Variants in CBR4 observed in about 807,000 individuals in gnomAD.
The protein encoded by CBR4 is 3-oxoacyl-[acyl-carrier-protein] reductase.
CBR4 carries 22 observed loss-of-function variants against 21.0 expected under a neutral mutation model. The ratio of observed to expected loss-of-function variants is 1.05; its 90% CI spans 0.75 to 1.50. The LOEUF is 1.50. CBR4 is among the 40% of genes most tolerant of loss of function. The probability of loss-of-function intolerance (pLI) is 0.00; values close to 1 mark genes in which losing one functional copy is unlikely to be tolerated. For missense variants in CBR4, 302 were observed against 286.3 expected (o/e 1.05, Z -0.40); for synonymous variants, 100 against 104.4 (o/e 0.96, Z 0.26).
Position 168,989,311 on chromosome 4 carries a change from G to A in CBR4, c.*839C>T, listed in dbSNP as rs115771853. The A allele has an allele frequency of 8.3e-5, 82 of 985,144 alleles. No individual in the cohort carries two copies. Among genetic ancestry groups the A allele is most frequent in the Admixed American group, 8.0e-4 (13 of 16,260 alleles). The allele number at this position is 985,144 out of a possible 1,614,324, so 61.0% of individuals were successfully genotyped here. ...CATCCTAAGTTCATGAAATCTGTGC[G>A]GTTCACTACTGTACCAGGTATTAAA... On this transcript the variant is annotated 3_prime_UTR_variant, in exon 5 of 5. Coordinates refer to ENST00000306193, the MANE Select transcript of CBR4 (RefSeq NM_032783.5).
intron 2 of CBR4, among the ~76,000 whole-genome samples, chr4:168,981,772 G>A (rs1764553098): frequency 1.3e-5 from 2 of 152,150 alleles, no homozygotes; most frequent in Admixed American, 1.3e-4. Flanking sequence ...CATCCTTAAA[G>A]AAAAGAAATT....
Position 168,914,096 on chromosome 4 carries a change from T to C in CBR4, n.170-19331A>G. On this transcript the variant is annotated intron_variant and non_coding_transcript_variant, in intron 2 of 3. Coordinates refer to the CBR4 transcript ENST00000509108. ...TATAAATGTAGTACTATTAGAATCA[T>C]CATATGACCACAAAAGTAAACATAA... 9 of 909,584 alleles carry C rather than the reference T, an allele frequency of 9.9e-6. 1 individual carries two copies. Among genetic ancestry groups the C allele is most frequent in the Non-Finnish European group, 7.2e-6 (4 of 553,890 alleles). The allele number at this position is 909,584 out of a possible 1,614,324, so 56.3% of individuals were successfully genotyped here.
At chr4:169,009,575 C>T (rs1360076641) in intron 1 of CBR4, among the ~76,000 whole-genome samples, 2 of 152,230 alleles carry the variant, frequency 1.3e-5, no homozygotes, top group African/African-American at 4.8e-5. Flanking sequence ...CGAGAACTCG[C>T]CCTTTTCCCT....
Position 168,912,798 on chromosome 4 carries a change from A to G in CBR4, n.170-18033T>C, listed in dbSNP as rs1196109957. The stretch of plus-strand genomic sequence containing the variant: ...ATTATTGTTATCCTACAGTGCTGTG[A>G]AACACTAAAACTTTTTCCTCCTATG... On this transcript the variant is annotated intron_variant and non_coding_transcript_variant, in intron 2 of 3. Transcript: ENST00000509108. Among the ~76,000 whole-genome samples the G allele has an allele frequency of 4.6e-5, 7 of 152,206 alleles. No homozygotes were observed. In the East Asian group the frequency reaches 1.3e-3, roughly 29 times the overall value.
intron 2 of CBR4, among the ~76,000 whole-genome samples, chr4:168,937,878 C>A (rs1213155571): frequency 6.6e-6 from 1 of 152,066 alleles, no homozygotes; most frequent in African/African-American, 2.4e-5. Flanking sequence ...ACTTTAACAC[C>A]CCACTGTCAA....
chr4:168,951,913 T>A (rs377742330), intron 2 of CBR4, among the ~76,000 whole-genome samples: 3 of 152,204 alleles, frequency 2.0e-5, no homozygotes, highest in African/African-American at 7.2e-5. Context: ...ATTTTTGCGA[T>A]GAATTTCCCA....
chr4:168,937,746 G>T (rs577719360), intron 2 of CBR4, among the ~76,000 whole-genome samples: 47 of 151,872 alleles, frequency 3.1e-4, no homozygotes, highest in African/African-American at 1.1e-3. Flanking sequence ...AGGGATCAAT[G>T]CAACAAGAAG....
chr4:168,969,985 G>A (rs1474189466), intron 2 of CBR4, among the ~76,000 whole-genome samples: 1 of 152,188 alleles, frequency 6.6e-6, no homozygotes, highest in Non-Finnish European at 1.5e-5. Context: ...ATGTGGTCTT[G>A]ATTTGCATAT....
In CBR4 at chr4:168,898,651, C is replaced by T. The variant is rs1560881962; in HGVS notation, n.170-3886G>A. On this transcript the variant is annotated intron_variant and non_coding_transcript_variant, in intron 2 of 3. Transcript: ENST00000509108. ...TCTTTGAGATGAAGCTGAAACATTA[C>T]AAGATCTTTGAGGGAATGCCAGTAA... The T allele has an allele frequency of 1.9e-6, 3 of 1,614,094 alleles. No individual in the cohort carries two copies. The highest frequency in any genetic ancestry group is 2.5e-6 in the Non-Finnish European group (3 of 1,179,986).
chr4:168,984,491 T>TCC (rs369494987), downstream of CBR4, among the ~76,000 whole-genome samples: 81,486 of 151,828 alleles, frequency 0.54, 25,038 homozygotes, highest in East Asian at 0.87. Flanking sequence ...CCAAAGCAAT[T>TCC]TACAGATTCA....
chr4:169,003,220 G>T (rs924494575), intron 3 of CBR4, among the ~76,000 whole-genome samples: 1 of 152,148 alleles, frequency 6.6e-6, no homozygotes, highest in Non-Finnish European at 1.5e-5. Context: ...AGGATTCACC[G>T]TTCTATATGC....
chr4:168,977,443 G>A (rs1764406286), intron 2 of CBR4, among the ~76,000 whole-genome samples: 1 of 152,082 alleles, frequency 6.6e-6, no homozygotes, highest in African/African-American at 2.4e-5. Context: ...AAATGCTGCT[G>A]GTGTTCCTCA....
intron 4 of CBR4, among the ~76,000 whole-genome samples, chr4:168,999,070 A>C (rs1165189450): frequency 6.6e-6 from 1 of 152,180 alleles, no homozygotes; most frequent in Admixed American, 6.5e-5. Flanking sequence ...AATATCTTCC[A>C]ATCAGTATGA....
intron 2 of CBR4, among the ~76,000 whole-genome samples, chr4:168,956,439 A>C (rs895135971): frequency 1.3e-5 from 2 of 151,834 alleles, no homozygotes; most frequent in Non-Finnish European, 2.9e-5. Flanking sequence ...CACAAAAAAA[A>C]ACACAAAAAT....
intron 2 of CBR4, among the ~76,000 whole-genome samples, chr4:168,975,368 T>C (rs894859866): frequency 6.6e-6 from 1 of 152,214 alleles, no homozygotes; most frequent in Non-Finnish European, 1.5e-5. Context: ...ACTGGTTTTC[T>C]TGAATGCTGG....
chr4:168,900,344 A>G (rs1756231270), intron 2 of CBR4, among the ~76,000 whole-genome samples: 1 of 152,222 alleles, frequency 6.6e-6, no homozygotes. Context: ...GTATTGCACA[A>G]TATTGAACAA....
At chr4:168,982,058 C>T (rs1295332357) in intron 2 of CBR4, among the ~76,000 whole-genome samples, 5 of 152,118 alleles carry the variant, frequency 3.3e-5, no homozygotes, top group Non-Finnish European at 2.9e-5. Flanking sequence ...GGATAAATTC[C>T]ACACATAACA....
chr4:168,925,719 A>G (rs1762454899), intron 2 of CBR4, among the ~76,000 whole-genome samples: 1 of 152,238 alleles, frequency 6.6e-6, no homozygotes. Context: ...AATTTATTTA[A>G]GAATTTATTT....
At position 168,990,346 on chromosome 4, in the gene CBR4, G is replaced by A. The variant is rs746228865; in HGVS notation, c.536-18C>T. 9 of 1,562,436 alleles carry A rather than the reference G, an allele frequency of 5.8e-6. No homozygotes were observed. In the South Asian group the frequency reaches 6.0e-5, roughly 10 times the overall value. ...TACAAATCCTAAAAGAGAAATGTTT[G>A]TTTAGTTGAAAAGGGTACACACTAA... On this transcript the variant is annotated intron_variant, in intron 4 of 4. Coordinates refer to ENST00000306193, the MANE Select transcript of CBR4 (RefSeq NM_032783.5).
Sources: allele counts gnomAD v4.1 joint callset (sites outside exome capture counted in the v4.1 genomes callset), GRCh38; gene constraint gnomAD v4.1.1; transcripts MANE v1.5; gene names NCBI Gene and HGNC (gene_info 2026-07-23, HGNC 2026-07-21).